Variants in TENM2 observed in about 807,000 individuals in gnomAD.
TENM2 encodes teneurin-2.
In TENM2, 52 loss-of-function variants were observed where a neutral mutation model predicts 245.2. The observed-to-expected ratio is 0.21, with a 90% CI of 0.17 to 0.27. The LOEUF (loss-of-function observed/expected upper bound fraction) is 0.27. TENM2 is among the 10% of genes least tolerant of loss of function. The probability of loss-of-function intolerance (pLI) is 1.00; values close to 1 mark genes in which losing one functional copy is unlikely to be tolerated. For synonymous variants in TENM2, 1,363 were observed against 1,438.9 expected (o/e 0.95, Z 1.19); for missense variants, 3,046 against 3,666.8 (o/e 0.83, Z 4.37).
chr5:168,050,450 A>G (rs983883186), intron 6 of TENM2, among the ~76,000 whole-genome samples: 7 of 152,182 alleles, frequency 4.6e-5, no homozygotes, highest in African/African-American at 1.7e-4. Context: ...ATCAAGATAT[A>G]TTGGCAATAA....
chr5:167,811,612 T>G (rs1364461023), intron 2 of TENM2, among the ~76,000 whole-genome samples: 1 of 152,276 alleles, frequency 6.6e-6, no homozygotes, highest in Non-Finnish European at 1.5e-5. Flanking sequence ...ACACCTACTG[T>G]GTGCCAAATA....
At chr5:167,258,981 T>C in the TENM2 span, among the ~76,000 whole-genome samples, 1 of 152,200 alleles carries the variant, frequency 6.6e-6, no homozygotes, top group Admixed American at 6.6e-5. Flanking sequence ...TTCTCAAGCC[T>C]GAATGTCCAT....
At chr5:167,652,894 T>C (rs888594936) in intron 2 of TENM2, among the ~76,000 whole-genome samples, 1 of 152,214 alleles carries the variant, frequency 6.6e-6, no homozygotes, top group Non-Finnish European at 1.5e-5. Flanking sequence ...ACTCTGATCA[T>C]TTGATGTCTG....
intron 3 of TENM2, among the ~76,000 whole-genome samples, chr5:167,916,584 G>T (rs1776959318): frequency 1.3e-5 from 2 of 152,220 alleles, no homozygotes; most frequent in South Asian, 4.1e-4. Context: ...TTCAAAGCCA[G>T]CTTTGATCTG....
intron 2 of TENM2, among the ~76,000 whole-genome samples, chr5:167,583,473 TACAC>T (rs10682735): frequency 1.8e-3 from 253 of 137,566 alleles, no homozygotes; most frequent in African/African-American, 3.8e-3. Flanking sequence ...TGAGTATATG[TACAC>T]ACACACACAC....
intron 1 of TENM2, among the ~76,000 whole-genome samples, chr5:167,288,776 G>A (rs1754466252): frequency 6.6e-6 from 1 of 152,154 alleles, no homozygotes; most frequent in Non-Finnish European, 1.5e-5. Flanking sequence ...GGAAAGAGCC[G>A]GAGATAGGCT....
intron 22 of TENM2, among the ~76,000 whole-genome samples, chr5:168,217,801 A>G (rs1763331659): frequency 1.3e-5 from 2 of 152,162 alleles, no homozygotes; most frequent in African/African-American, 4.8e-5. Context: ...TTGTGCAGTG[A>G]ACTACCTGTG....
intron 2 of TENM2, among the ~76,000 whole-genome samples, chr5:167,394,764 T>G (rs1230432758): frequency 6.6e-6 from 1 of 151,818 alleles, no homozygotes; most frequent in Non-Finnish European, 1.5e-5. Flanking sequence ...CCCAGCTAAT[T>G]TTTTTTTCTA....
At chr5:167,522,599 T>C (rs527613100) in intron 2 of TENM2, among the ~76,000 whole-genome samples, 22 of 152,224 alleles carry the variant, frequency 1.4e-4, no homozygotes, top group Middle Eastern at 3.4e-3. Context: ...ATACATTCTT[T>C]ATGGAATTTT....
At chr5:167,406,711 G>T (rs1216442898) in intron 2 of TENM2, among the ~76,000 whole-genome samples, 1 of 152,138 alleles carries the variant, frequency 6.6e-6, no homozygotes. Context: ...ACTGAAGCAA[G>T]ATTAAAATCT....
At chr5:168,000,775 A>G (rs1484936900) in intron 5 of TENM2, among the ~76,000 whole-genome samples, 2 of 152,200 alleles carry the variant, frequency 1.3e-5, no homozygotes, top group Non-Finnish European at 2.9e-5. Context: ...GTGGTCACAA[A>G]GGCCCTGTAA....
At chr5:167,241,559 T>C in the TENM2 span, among the ~76,000 whole-genome samples, 396 of 152,202 alleles carry the variant, frequency 2.6e-3, 2 homozygotes, top group African/African-American at 9.3e-3. Context: ...ATCAAGGAAC[T>C]GAAAGGATTC....
intron 1 of TENM2, among the ~76,000 whole-genome samples, chr5:167,303,642 G>T (rs908352309): frequency 6.6e-6 from 1 of 152,168 alleles, no homozygotes; most frequent in Non-Finnish European, 1.5e-5. Flanking sequence ...AGGTCACAGG[G>T]GATATGATGG....
In TENM2 at chr5:167,590,219, A is replaced by AC. The variant is rs1235636021; in HGVS notation, c.502+214746_502+214747insC. Among the ~76,000 whole-genome samples, 14 of 152,122 alleles carry AC rather than the reference A, an allele frequency of 9.2e-5. No homozygotes were observed. In the East Asian group the frequency reaches 2.3e-3, roughly 25 times the overall value. ...AGTGTTTTTTGTTTTTCATATGAAA[A>AC]TCAGTTTTGTTTTCATATGAAGATA... On this transcript the variant is annotated intron_variant, in intron 2 of 28. Coordinates refer to ENST00000518659, the Ensembl canonical transcript of TENM2.
At chr5:168,150,558 G>A (rs923063005) in intron 12 of TENM2, among the ~76,000 whole-genome samples, 8 of 152,002 alleles carry the variant, frequency 5.3e-5, no homozygotes, top group Non-Finnish European at 1.0e-4. Context: ...GACTGACTCC[G>A]TCACACTACC....
chr5:167,002,732 T>C, the TENM2 span, among the ~76,000 whole-genome samples: 1 of 151,930 alleles, frequency 6.6e-6, no homozygotes. Flanking sequence ...ATGATCATGC[T>C]CCTCTACTCC....
At chr5:167,873,857 C>G (rs1773189508) in intron 2 of TENM2, among the ~76,000 whole-genome samples, 1 of 152,140 alleles carries the variant, frequency 6.6e-6, no homozygotes, top group Non-Finnish European at 1.5e-5. Context: ...TCAAGTCAAA[C>G]TCCATTTATC....
chr5:167,720,566 G>C (rs1378671084), intron 2 of TENM2, among the ~76,000 whole-genome samples: 1 of 152,224 alleles, frequency 6.6e-6, no homozygotes, highest in Non-Finnish European at 1.5e-5. Context: ...CTGTTTGTAA[G>C]TGAGTAGTTA....
chr5:167,642,161 T>G (rs963279357), intron 2 of TENM2, among the ~76,000 whole-genome samples: 2 of 144,864 alleles, frequency 1.4e-5, no homozygotes, highest in Non-Finnish European at 1.5e-5. Context: ...AAAAAATATG[T>G]ATATATATAT....
Sources: allele counts gnomAD v4.1 joint callset (sites outside exome capture counted in the v4.1 genomes callset), GRCh38; gene constraint gnomAD v4.1.1; transcripts MANE v1.5; gene names NCBI Gene and HGNC (gene_info 2026-07-23, HGNC 2026-07-21).